The following RELN variants were observed in gnomAD, a reference collection of about 807,000 sequenced individuals.
RELN encodes the protein reelin.
In RELN, 108 loss-of-function variants were observed where a neutral mutation model predicts 427.6. That is an observed-to-expected ratio of 0.25 (90% confidence interval 0.22 to 0.30). RELN has a LOEUF of 0.30. Among genes scored for constraint, RELN ranks in the 10% least tolerant of loss-of-function variants. The probability of loss-of-function intolerance (pLI) is 1.00; values close to 1 mark genes in which losing one functional copy is unlikely to be tolerated. For synonymous variants in RELN, 1,524 were observed against 1,513.4 expected, an observed-to-expected ratio of 1.01 and a Z score of -0.16; for missense variants, 3,715 against 4,302.8, an observed-to-expected ratio of 0.86 and a Z score of 3.82.
intron 12 of RELN, among the ~76,000 whole-genome samples, chr7:103,656,661 A>G (rs554414199): frequency 6.6e-6 from 1 of 152,146 alleles, no homozygotes; most frequent in African/African-American, 2.4e-5. Context: ...GTTTATTCCC[A>G]AGGAAATTTG....
intron 50 of RELN, chr7:103,513,689 GTAT>G (rs1829485700): frequency 6.6e-6 from 1 of 151,736 alleles, no homozygotes; most frequent in Admixed American, 6.6e-5. Context: ...TAAATATCCA[GTAT>G]TATTATTGAA....
At chr7:103,738,321 T>C (rs1480804001) in intron 6 of RELN, among the ~76,000 whole-genome samples, 1 of 152,020 alleles carries the variant, frequency 6.6e-6, no homozygotes, top group Non-Finnish European at 1.5e-5. Context: ...CCATTCATGT[T>C]TTAGTTCCTT....
rs561568385 is a variant in RELN at position 103,609,981 on chromosome 7, T to C, written c.3008+714A>G. Among the ~76,000 whole-genome samples the C allele has an allele frequency of 2.4e-4, 36 of 152,288 alleles. 1 individual carries two copies. The highest frequency in any genetic ancestry group is 8.2e-4 in the African/African-American group (34 of 41,578). ...GAGGTTGTGAATGGTTAAGATCACG[T>C]GATTAATTAATCATTGGTAGAGCTA... is the stretch of plus-strand genomic sequence containing the variant. On this transcript the variant is annotated intron_variant, in intron 22 of 64. Transcript: ENST00000428762.
chr7:103,959,629 G>C (rs1584401764), intron 1 of RELN, among the ~76,000 whole-genome samples: 2 of 151,712 alleles, frequency 1.3e-5, no homozygotes, highest in Non-Finnish European at 2.9e-5. Context: ...TTCTTTTTCT[G>C]AGACAGGGTC....
chr7:103,646,893 C>A (rs578213857), intron 16 of RELN, among the ~76,000 whole-genome samples: 1 of 152,016 alleles, frequency 6.6e-6, no homozygotes, highest in South Asian at 2.1e-4. Context: ...AAACTGAATC[C>A]AACAGCACAT....
At chr7:103,560,767 A>C (rs1830624529) in intron 36 of RELN, among the ~76,000 whole-genome samples, 1 of 152,220 alleles carries the variant, frequency 6.6e-6, no homozygotes, top group Admixed American at 6.5e-5. Flanking sequence ...TTTCTCATCC[A>C]AAACTTGAGA....
intron 8 of RELN, among the ~76,000 whole-genome samples, chr7:103,707,675 T>C (rs1054013134): frequency 6.6e-6 from 1 of 152,080 alleles, no homozygotes; most frequent in Non-Finnish European, 1.5e-5. Flanking sequence ...ATTTTTGTAT[T>C]CTTAGTAGAG....
chr7:103,750,042 T>C (rs1374457658), intron 5 of RELN, among the ~76,000 whole-genome samples: 1 of 152,210 alleles, frequency 6.6e-6, no homozygotes, highest in Non-Finnish European at 1.5e-5. Flanking sequence ...TGCAGCGGCA[T>C]GATCTTGGCT....
intron 1 of RELN, among the ~76,000 whole-genome samples, chr7:103,943,162 T>G (rs952353158): frequency 1.3e-5 from 2 of 152,214 alleles, no homozygotes; most frequent in Non-Finnish European, 2.9e-5. Flanking sequence ...ATTGAAAACC[T>G]AGTTTTCTCT....
intron 20 of RELN, among the ~76,000 whole-genome samples, chr7:103,616,506 G>A (rs1832081990): frequency 6.6e-6 from 1 of 151,938 alleles, no homozygotes; most frequent in Non-Finnish European, 1.5e-5. Flanking sequence ...GTGGATTATA[G>A]AAATTGTATA....
At position 103,917,057 on chromosome 7, in the gene RELN, T is replaced by C. The variant is rs1215266853; in HGVS notation, c.337+18A>G. On this transcript the variant is annotated intron_variant, in intron 2 of 64. Transcript: ENST00000428762. ...GTATAAAATACCCCCAAATTTCTGG[T>C]TTGTGAGAATAGCTTACCAAATCCG... 1.3e-6 allele frequency: 2 copies of C among 1,591,318 alleles called. No homozygotes were observed. Among genetic ancestry groups the C allele is most frequent in the African/African-American group, 2.7e-5 (2 of 74,408 alleles).
At chr7:103,812,142 T>C (rs1299392270) in intron 3 of RELN, among the ~76,000 whole-genome samples, 1 of 149,502 alleles carries the variant, frequency 6.7e-6, no homozygotes, top group Non-Finnish European at 1.5e-5. Context: ...CTTTCACTCC[T>C]TACAGGTGAC....
At chr7:103,533,281 C>T (rs1829979755) in intron 46 of RELN, among the ~76,000 whole-genome samples, 1 of 152,206 alleles carries the variant, frequency 6.6e-6, no homozygotes, top group Non-Finnish European at 1.5e-5. Context: ...GAGCTACAAA[C>T]TGAAATCCTC....
intron 6 of RELN, among the ~76,000 whole-genome samples, chr7:103,746,991 A>C (rs1351666244): frequency 1.3e-5 from 2 of 152,202 alleles, no homozygotes; most frequent in Non-Finnish European, 2.9e-5. Context: ...ACTATTCACA[A>C]TAGCAAAGAC....
chr7:103,637,750 C>T (rs1224954356), intron 17 of RELN, among the ~76,000 whole-genome samples: 1 of 151,912 alleles, frequency 6.6e-6, no homozygotes, highest in African/African-American at 2.4e-5. Flanking sequence ...AAGTTGTTTC[C>T]AAAAAAGAAT....
intron 53 of RELN, among the ~76,000 whole-genome samples, chr7:103,499,004 G>A (rs767898563): frequency 6.6e-6 from 1 of 152,182 alleles, no homozygotes; most frequent in Non-Finnish European, 1.5e-5. Flanking sequence ...TTGTCCTGGT[G>A]TGTGTGCCCT....
At chr7:103,899,588 T>C (rs1054465144) in intron 2 of RELN, among the ~76,000 whole-genome samples, 2 of 152,140 alleles carry the variant, frequency 1.3e-5, no homozygotes, top group Non-Finnish European at 2.9e-5. Context: ...AAAAAGCTTA[T>C]CCACCATGAT....
At chr7:103,672,042 T>C (rs975713631) in intron 11 of RELN, among the ~76,000 whole-genome samples, 3 of 152,170 alleles carry the variant, frequency 2.0e-5, no homozygotes, top group Admixed American at 2.0e-4. Flanking sequence ...ATAGGATGAA[T>C]TAAAATTTTA....
intron 2 of RELN, among the ~76,000 whole-genome samples, chr7:103,858,952 A>G (rs1162155334): frequency 6.6e-6 from 1 of 152,202 alleles, no homozygotes; most frequent in African/African-American, 2.4e-5. Context: ...AGGCTTGCCT[A>G]GAGAACAGAG....
Sources: gnomAD v4.1 joint callset for allele counts (sites outside exome capture counted in the v4.1 genomes callset) on GRCh38, gnomAD v4.1.1 for gene constraint, MANE v1.5 for transcripts, NCBI Gene and HGNC (gene_info 2026-07-23, HGNC 2026-07-21) for gene names.